CLINT1: variants seen among roughly 807,000 people sequenced by gnomAD.
CLINT1 encodes clathrin interacting protein localized in the trans-Golgi region.
A neutral mutation model predicts 70.4 loss-of-function variants in CLINT1; 15 were observed. The ratio of observed to expected loss-of-function variants is 0.21; its 90% confidence interval spans 0.14 to 0.33. The LOEUF (loss-of-function observed/expected upper bound fraction) is 0.33. Ranked by LOEUF, CLINT1 falls within the 10% of genes least tolerant of loss-of-function variation. The probability of loss-of-function intolerance (pLI) is 1.00; values close to 1 mark genes in which losing one functional copy is unlikely to be tolerated. For missense variants in CLINT1, 615 were observed against 778.1 expected, an observed-to-expected ratio of 0.79 and a Z score of 2.49; for synonymous variants, 227 against 254.7, an observed-to-expected ratio of 0.89 and a Z score of 1.04.
chr5:157,852,124 TTA>T (rs1753597375), intron 1 of CLINT1, among the ~76,000 whole-genome samples: 1 of 152,232 alleles, frequency 6.6e-6, no homozygotes, highest in East Asian at 1.9e-4. Context: ...ATAAATCTTT[TTA>T]TGTTTTAGTA....
chr5:157,800,380 G>A (rs1453699916), intron 8 of CLINT1, among the ~76,000 whole-genome samples: 2 of 152,134 alleles, frequency 1.3e-5, no homozygotes, highest in Non-Finnish European at 2.9e-5. Context: ...TCTGGTAAAT[G>A]ACACCCAAAT....
intron 7 of CLINT1, among the ~76,000 whole-genome samples, chr5:157,804,931 A>AAAAAG (rs1554098964): frequency 6.6e-6 from 1 of 150,656 alleles, no homozygotes; most frequent in South Asian, 2.1e-4. Flanking sequence ...CGGTCTTCCA[A>AAAAAG]AAAAAGAAAA....
At chr5:157,806,489 T>C (rs1424045846) in intron 6 of CLINT1, among the ~76,000 whole-genome samples, 2 of 147,846 alleles carry the variant, frequency 1.4e-5, no homozygotes, top group African/African-American at 5.2e-5. Flanking sequence ...CACTTGCATG[T>C]GATGATTATT....
intron 1 of CLINT1, among the ~76,000 whole-genome samples, chr5:157,837,077 A>G (rs537842915): frequency 8.5e-5 from 13 of 152,294 alleles, no homozygotes; most frequent in African/African-American, 3.1e-4. Flanking sequence ...CTGACATGAG[A>G]TGCATACCTA....
At chr5:157,817,160 T>C (rs1762746201) in intron 2 of CLINT1, among the ~76,000 whole-genome samples, 1 of 152,186 alleles carries the variant, frequency 6.6e-6, no homozygotes, top group South Asian at 2.1e-4. Flanking sequence ...CAAGTTATTT[T>C]ATATGCATTT....
chr5:157,828,412 A>G (rs1413687196), intron 1 of CLINT1, among the ~76,000 whole-genome samples: 1 of 152,194 alleles, frequency 6.6e-6, no homozygotes, highest in African/African-American at 2.4e-5. Flanking sequence ...AGTCACCACT[A>G]GAAAATTCCT....
intron 1 of CLINT1, among the ~76,000 whole-genome samples, chr5:157,853,399 G>A (rs1480060409): frequency 6.6e-6 from 1 of 151,768 alleles, no homozygotes; most frequent in African/African-American, 2.4e-5. Flanking sequence ...GAGCCATATT[G>A]TGAAACCTTG....
chr5:157,809,519 A>G, intron 6 of CLINT1, 109 bp downstream of exon 6: 2 of 805,974 alleles, frequency 2.5e-6, no homozygotes, highest in Non-Finnish European at 3.6e-6. Flanking sequence ...AAAAGGCCCA[A>G]TTTCAGATAA....
intron 1 of CLINT1, among the ~76,000 whole-genome samples, chr5:157,854,361 A>G (rs1753677360): frequency 6.6e-6 from 1 of 152,186 alleles, no homozygotes; most frequent in Non-Finnish European, 1.5e-5. Context: ...AGGCAGGCAG[A>G]CTGCCTGAGC....
At chr5:157,805,493 T>C (rs1196070011) in intron 7 of CLINT1, among the ~76,000 whole-genome samples, 6 of 152,242 alleles carry the variant, frequency 3.9e-5, no homozygotes, top group Admixed American at 2.0e-4. Context: ...TATATATCTC[T>C]TCTTACTCCC....
At chr5:157,850,508 G>T (rs982216093) in intron 1 of CLINT1, among the ~76,000 whole-genome samples, 4 of 150,970 alleles carry the variant, frequency 2.6e-5, no homozygotes, top group Middle Eastern at 3.4e-3. Flanking sequence ...TTACTTGGGG[G>T]ACTAAGGTGG....
chr5:157,829,865 T>G (rs1350516854), intron 1 of CLINT1, among the ~76,000 whole-genome samples: 1 of 151,508 alleles, frequency 6.6e-6, no homozygotes, highest in Non-Finnish European at 1.5e-5. Flanking sequence ...TTCTAAAACT[T>G]TTGTGACAAC....
intron 1 of CLINT1, among the ~76,000 whole-genome samples, chr5:157,855,695 G>A (rs1400686926): frequency 6.6e-6 from 1 of 152,182 alleles, no homozygotes; most frequent in African/African-American, 2.4e-5. Context: ...ATCACTTTGA[G>A]TAGCTGAGAT....
chr5:157,818,713 A>G (rs535437064), intron 1 of CLINT1, among the ~76,000 whole-genome samples: 2 of 152,134 alleles, frequency 1.3e-5, no homozygotes, highest in Admixed American at 1.3e-4. Context: ...ACATTATGTA[A>G]TATTTTTATA....
chr5:157,793,819 C>CT (rs1180139028), intron 9 of CLINT1, among the ~76,000 whole-genome samples: 1 of 152,098 alleles, frequency 6.6e-6, no homozygotes, highest in Admixed American at 6.5e-5. Flanking sequence ...AGCTATGTAT[C>CT]TTTTTTCTAA....
intron 1 of CLINT1, among the ~76,000 whole-genome samples, chr5:157,838,951 C>CA (rs1763524615): frequency 1.3e-5 from 2 of 152,150 alleles, no homozygotes; most frequent in Non-Finnish European, 2.9e-5. Flanking sequence ...TAATATGAAA[C>CA]AGACCAGGTG....
rs183699751 is a variant in CLINT1, at chr5:157,814,177, T to C, written c.352+8A>G. 1.4e-5 allele frequency: 22 copies of C among 1,575,340 alleles called. No individual in the cohort carries two copies. In the African/African-American group the frequency reaches 2.3e-4, roughly 16 times the overall value. On this transcript the variant is annotated splice_region_variant and intron_variant, in intron 4 of 11. Coordinates refer to ENST00000411809, the MANE Select transcript of CLINT1 (RefSeq NM_014666.4). ...TTAATTTGCTTATAAGGTTTTTCTA[T>C]TGCTTACCTACAAAGTGGTAATTTT...
At chr5:157,803,813 C>T in intron 7 of CLINT1, 94 bp from the exon 8 acceptor site, 2 of 810,070 alleles carry the variant, frequency 2.5e-6, no homozygotes, top group Non-Finnish European at 3.7e-6. Flanking sequence ...GACATAAATA[C>T]CTGTAATTAG....
intron 1 of CLINT1, among the ~76,000 whole-genome samples, chr5:157,835,802 T>C (rs1763400913): frequency 6.6e-6 from 1 of 152,192 alleles, no homozygotes; most frequent in African/African-American, 2.4e-5. Flanking sequence ...ATTAACTCAA[T>C]GACCCCTTGC....
Sources: gnomAD v4.1 joint callset for allele counts (sites outside exome capture counted in the v4.1 genomes callset) on GRCh38, gnomAD v4.1.1 for gene constraint, MANE v1.5 for transcripts, NCBI Gene and HGNC (gene_info 2026-07-23, HGNC 2026-07-21) for gene names.